The following CPAMD8 variants were observed in gnomAD, a reference collection of about 807,000 sequenced individuals.
The protein encoded by CPAMD8 is C3 and PZP-like alpha-2-macroglobulin domain-containing protein 8.
In CPAMD8, 146 loss-of-function variants were observed where a neutral mutation model predicts 224.7. The ratio of observed to expected loss-of-function variants is 0.65; its 90% CI spans 0.57 to 0.75. The LOEUF (loss-of-function observed/expected upper bound fraction) is 0.75, where lower values mean the gene tolerates loss of function less well. Ranked by LOEUF, CPAMD8 falls within the 30% of genes least tolerant of loss-of-function variation. CPAMD8 has a pLI of 0.00. For missense variants in CPAMD8, 2,301 were observed against 2,537.5 expected (o/e 0.91, Z 2.00); for synonymous variants, 966 against 1,044.6 (o/e 0.92, Z 1.45).
At chr19:16,930,255 CA>C (rs369698394) in intron 23 of CPAMD8, among the ~76,000 whole-genome samples, 17 of 126,528 alleles carry the variant, frequency 1.3e-4, no homozygotes, top group East Asian at 1.3e-3. Context: ...AACTCCATCT[CA>C]AAAAAAAAAG....
At chr19:16,981,172 G>T (rs542488999) in intron 13 of CPAMD8, among the ~76,000 whole-genome samples, 2 of 152,084 alleles carry the variant, frequency 1.3e-5, no homozygotes, top group African/African-American at 4.8e-5. Context: ...GAGCAACATA[G>T]TGAGACCCCC....
intron 39 of CPAMD8, 109 bp from the exon 40 acceptor site, chr19:16,896,774 T>C (rs2052016665): frequency 1.4e-6 from 1 of 736,210 alleles, no homozygotes; most frequent in South Asian, 3.1e-5. Flanking sequence ...CACTACCCCC[T>C]CGGTGGGTCT....
chr19:16,909,764 TAGAGAC>T (rs984863217), intron 29 of CPAMD8, among the ~76,000 whole-genome samples: 14 of 152,232 alleles, frequency 9.2e-5, no homozygotes, highest in Non-Finnish European at 1.6e-4. Context: ...AAATTTGTAT[TAGAGAC>T]AGAGGTTTCA....
intron 23 of CPAMD8, among the ~76,000 whole-genome samples, chr19:16,932,245 C>A (rs1181254701): frequency 3.3e-5 from 5 of 151,778 alleles, no homozygotes; most frequent in Non-Finnish European, 5.9e-5. Context: ...CATGGCGAAA[C>A]CCCATCTCTA....
At chr19:16,927,514 A>T (rs1418325932) in intron 25 of CPAMD8, among the ~76,000 whole-genome samples, 1 of 151,892 alleles carries the variant, frequency 6.6e-6, no homozygotes, top group Non-Finnish European at 1.5e-5. Context: ...CAGACCCCCT[A>T]AGGCTGCTTC....
At chr19:16,932,840 G>T (rs148282712) in intron 23 of CPAMD8, among the ~76,000 whole-genome samples, 5 of 152,342 alleles carry the variant, frequency 3.3e-5, no homozygotes, top group African/African-American at 1.2e-4. Context: ...GATACAGGAA[G>T]CTCAGACACC....
rs1198205429 is a variant in CPAMD8, at chr19:16,937,629, C to T, written c.2845+766G>A. On this transcript the variant is annotated intron_variant, in intron 23 of 41. Coordinates refer to ENST00000443236, the MANE Select transcript of CPAMD8 (RefSeq NM_015692.5). ...TAGCTGGGATTACAGGCACACACAA[C>T]CACACCTGGCTAACTTCATACTTTT... 8.0e-5 allele frequency among the ~76,000 whole-genome samples: 12 copies of T among 150,940 alleles called. 1 individual carries two copies. The South Asian group carries it at 1.7e-3, about 21-fold the overall frequency.
intron 13 of CPAMD8, among the ~76,000 whole-genome samples, chr19:16,988,827 CT>C (rs1372233058): frequency 1.3e-5 from 2 of 152,004 alleles, no homozygotes; most frequent in African/African-American, 2.4e-5. Context: ...GAGTAGTAGG[CT>C]GACAATCAAA....
At chr19:16,925,081 T>C in intron 26 of CPAMD8, 115 bp downstream of exon 26, 2 of 1,125,272 alleles carry the variant, frequency 1.8e-6, no homozygotes, top group South Asian at 1.4e-5. Context: ...TTTTGCCCAC[T>C]TCCTCCCCTT....
At chr19:17,017,746 G>A (rs985304233) in intron 3 of CPAMD8, among the ~76,000 whole-genome samples, 1 of 152,122 alleles carries the variant, frequency 6.6e-6, no homozygotes, top group Non-Finnish European at 1.5e-5. Context: ...ATGTAATGGA[G>A]GGGCCAGGTG....
In CPAMD8 at chr19:16,970,964, C is replaced by G. The variant is rs375291206; in HGVS notation, c.2140G>C (p.Asp714His). 6.2e-7 allele frequency: 1 copy of G among 1,613,756 alleles called. No individual in the cohort carries two copies. The highest frequency in any genetic ancestry group is 1.7e-5 in the Admixed American group (1 of 59,980). Residue 714 changes from aspartate (D) to histidine (H), a missense_variant, in exon 18 of 42, where the codon GAT (aspartate) becomes CAT (histidine). Transcript: ENST00000443236. Reference sequence around the variant, plus strand: ...GGCTGGAAAGCGGGGACAGCCTCATCGGTGTAGAGGCCACCGTCCTGCCGG... The same window carrying G: ...GGCTGGAAAGCGGGGACAGCCTCATGGGTGTAGAGGCCACCGTCCTGCCGG... ...NHRQDGGLYT[D>H]EAVPAFQPHT...
intron 22 of CPAMD8, among the ~76,000 whole-genome samples, chr19:16,944,770 T>G (rs2054015048): frequency 6.6e-6 from 1 of 152,026 alleles, no homozygotes; most frequent in Non-Finnish European, 1.5e-5. Flanking sequence ...GGCACATGAC[T>G]CCTGGTGCTG....
At chr19:16,997,411 CA>C in intron 10 of CPAMD8, 73 bp from the exon 11 acceptor site, 4 of 881,970 alleles carry the variant, frequency 4.5e-6, no homozygotes, top group African/African-American at 1.6e-5. Flanking sequence ...CTGAAACACA[CA>C]CCTGAGGTGC....
chr19:16,988,553 T>C (rs141783644), intron 13 of CPAMD8, among the ~76,000 whole-genome samples: 1,934 of 151,714 alleles, frequency 0.013, 16 homozygotes, highest in Non-Finnish European at 0.02. Flanking sequence ...GAAGTTGCAG[T>C]GAGCTGAGAT....
intron 19 of CPAMD8, among the ~76,000 whole-genome samples, chr19:16,952,804 A>G (rs909143809): frequency 4.6e-5 from 7 of 152,262 alleles, no homozygotes; most frequent in African/African-American, 1.7e-4. Flanking sequence ...AAAGTGATCT[A>G]TAGATTCAAT....
At chr19:16,976,458 A>G (rs1317279042) in intron 15 of CPAMD8, among the ~76,000 whole-genome samples, 3 of 152,024 alleles carry the variant, frequency 2.0e-5, no homozygotes, top group African/African-American at 7.3e-5. Flanking sequence ...CCAGGGCAAC[A>G]AGAATGAAAC....
At chr19:16,967,925 A>G (rs79870567) in intron 18 of CPAMD8, among the ~76,000 whole-genome samples, 2,333 of 97,482 alleles carry the variant, frequency 0.024, 57 homozygotes, top group Admixed American at 0.085. Context: ...ATACACACAC[A>G]TGTGTGTATA....
chr19:16,896,618 C>T lies in CPAMD8; in HGVS notation c.5113G>A (p.Ala1705Thr), dbSNP rs1249645678. ...TCGCAGCCGCATCGCGCGATCGCCGCCCCCTCCTCAGGGGCCACGGCAGGG... is the reference window on the plus strand; with the variant it reads ...TCGCAGCCGCATCGCGCGATCGCCGTCCCCTCCTCAGGGGCCACGGCAGGG... The part of the protein sequence containing the change: ...SGPAVAPEEG[A>T]AIARCGCDHD... The change falls in exon 40 of 42, where the codon GCG (alanine) becomes ACG (threonine). Residue 1705 changes from alanine to threonine, a missense_variant. Physicochemically the swap from Ala to Thr is moderately conservative, Grantham distance 58 (BLOSUM62 0). This residue lies in a region of CPAMD8 where 1,709 missense variants were observed against 1,753.2 expected (regional missense o/e 0.97). Transcript: ENST00000443236. 2 of 1,504,774 alleles carry T rather than the reference C, an allele frequency of 1.3e-6. No individual in the cohort carries two copies. Among genetic ancestry groups the T allele is most frequent in the Non-Finnish European group, 1.8e-6 (2 of 1,132,594 alleles). The allele number at this position is 1,504,774 out of a possible 1,614,324, so 93.2% of individuals were successfully genotyped here. A position where few individuals can be genotyped will look rare whatever the true frequency, so the allele number is the denominator to read the frequency against.
At chr19:16,934,366 T>C (rs2053627767) in intron 23 of CPAMD8, among the ~76,000 whole-genome samples, 1 of 152,228 alleles carries the variant, frequency 6.6e-6, no homozygotes, top group African/African-American at 2.4e-5. Flanking sequence ...TTATTGCCTT[T>C]ACTATTCATA....
Sources: allele counts gnomAD v4.1 joint callset (sites outside exome capture counted in the v4.1 genomes callset), GRCh38; gene constraint gnomAD v4.1.1; regional missense constraint gnomAD v4.1.1; transcripts MANE v1.5; gene names NCBI Gene and HGNC (gene_info 2026-07-23, HGNC 2026-07-21).